SRRM2: variants seen among roughly 807,000 people sequenced by gnomAD.
SRRM2 encodes the protein serine/arginine repetitive matrix protein 2.
Under a neutral mutation model 213.8 loss-of-function variants are expected in SRRM2, and 30 were observed. That is an observed-to-expected ratio of 0.14 (90% CI 0.10 to 0.19). SRRM2 has a LOEUF of 0.19. SRRM2 is among the 10% of genes least tolerant of loss of function. The pLI, the probability that SRRM2 is intolerant of heterozygous loss-of-function variation, is 1.00. For synonymous variants in SRRM2, 2,025 were observed against 1,377.7 expected (o/e 1.47, Z -10.40); for missense variants, 4,904 against 3,647.0 (o/e 1.34, Z -8.88).
intron 1 of SRRM2, among the ~76,000 whole-genome samples, 172 bp from the exon 2 acceptor site, chr16:2,756,162 A>G (rs967812699): frequency 6.6e-6 from 1 of 152,236 alleles, no homozygotes; most frequent in African/African-American, 2.4e-5. Flanking sequence ...GGAAGGGCAA[A>G]GAAGTGGTTT....
chr16:2,769,689 C>T (rs1174518052), intron 12 of SRRM2: 3 of 497,622 alleles, frequency 6.0e-6, no homozygotes, highest in African/African-American at 3.9e-5. Flanking sequence ...AGGGACCTTT[C>T]TAAAACGCAC....
Position 2,764,338 on chromosome 16 carries a change from A to G in SRRM2, c.3810A>G (p.Ser1270=). ...LKEMSTSNFE[S]SPEVEERPAV... is the part of the protein sequence containing the mutation. ...AAATGTCCACAAGTAACTTTGAATCATCTCCTGAAGTAGAAGAAAGGCCTG... is the reference window on the plus strand; with the variant it reads ...AAATGTCCACAAGTAACTTTGAATCGTCTCCTGAAGTAGAAGAAAGGCCTG... The change falls in exon 11 of 15, where the codon TCA becomes TCG. Residue 1270 remains serine (S), a synonymous_variant. Transcript: ENST00000301740. 1.2e-6 allele frequency: 2 copies of G among 1,614,222 alleles called. No homozygotes were observed. The highest frequency in any genetic ancestry group is 8.5e-7 in the Non-Finnish European group (1 of 1,180,050).
rs149396639 is a variant in SRRM2 at position 2,769,223 on chromosome 16, C to T, written c.7960C>T (p.Pro2654Ser). 80 of 1,597,128 alleles carry T rather than the reference C, an allele frequency of 5.0e-5. No homozygotes were observed. In the African/African-American group the frequency reaches 1.0e-3, roughly 20 times the overall value. ...SSSSSPSPAK[P>S]GPQALPKPAS... ...GTCTTCCTCCCCTTCCCCTGCTAAG[C>T]CTGGCCCTCAGGCCTTGCCCAAACC... Residue 2654 changes from proline to serine, a missense_variant, in exon 12 of 15, where the codon CCT (proline) becomes TCT (serine). Coordinates refer to ENST00000301740, the MANE Select transcript of SRRM2 (RefSeq NM_016333.4).
Position 2,768,214 on chromosome 16 carries a change from C to G in SRRM2, c.7686C>G (p.Asp2562Glu). ...SSSSSGSSSS[D>E]SEGSSLPVQP... ...CCTCCTCTGGCTCCAGTTCTAGTGA[C>G]TCAGAGGGCTCTAGCCTTCCTGTGC... Residue 2562 changes from aspartate (D) to glutamate (E), a missense_variant, in exon 11 of 15, where the codon GAC becomes GAG. Physicochemically the swap from Asp to Glu is conservative, Grantham distance 45. Coordinates refer to ENST00000301740, the MANE Select transcript of SRRM2 (RefSeq NM_016333.4). 6.3e-7 allele frequency: 1 copy of G among 1,597,478 alleles called. No individual in the cohort carries two copies. Among genetic ancestry groups the G allele is most frequent in the East Asian group, 2.2e-5 (1 of 44,770 alleles).
rs781229628 is a variant in SRRM2 at position 2,762,623 on chromosome 16, CGAG to C, written c.2098_2100del (p.Gly700del). 3.7e-6 allele frequency: 6 copies of C among 1,614,134 alleles called. No homozygotes were observed. The highest frequency in any genetic ancestry group is 4.2e-6 in the Non-Finnish European group (5 of 1,180,028). On this transcript the variant is annotated inframe_deletion, in exon 11 of 15. Transcript: ENST00000301740. ...GAGGTCTCGGTCTAGGACACCAAGA[CGAG>C]GAAGATCCCGCAGTAGAAGCTTAGT...
At chr16:2,752,908 C>G (rs929950332) in intron 1 of SRRM2, 62 bp downstream of exon 1, 8 of 187,540 alleles carry the variant, frequency 4.3e-5, no homozygotes, top group Non-Finnish European at 7.9e-5. Context: ...GGCGCGAGGC[C>G]AAAGCGCGCG....
rs1216908790 is a variant in SRRM2 at position 2,766,297 on chromosome 16, C to G, written c.5769C>G (p.Ser1923=). ...CATCCCCAGTGAGCAGAAGGCGATC[C>G]AGATCCAGAACGCCACCAGTAACCC... ...SRASPVSRRR[S]RSRTPPVTRR... The change falls in exon 11 of 15, where the codon TCC becomes TCG. Residue 1923 remains serine, a synonymous_variant. Coordinates refer to ENST00000301740, the MANE Select transcript of SRRM2 (RefSeq NM_016333.4). This position sits in a 1 kb window ranked among gnomAD's most constrained non-coding sequence, Gnocchi z 7.0. 1 of 1,614,182 alleles carries G rather than the reference C, an allele frequency of 6.2e-7. No individual in the cohort carries two copies. Among genetic ancestry groups the G allele is most frequent in the East Asian group, 2.2e-5 (1 of 44,878 alleles).
chr16:2,760,833 A>G (rs577827735), intron 10 of SRRM2: 7 of 232,232 alleles, frequency 3.0e-5, no homozygotes, highest in East Asian at 9.8e-5. Context: ...AATGCTGGTC[A>G]TGTCTCACCA....
In SRRM2 at chr16:2,768,243, C is replaced by T. The variant is rs2068614194; in HGVS notation, c.7715C>T (p.Pro2572Leu). 3 of 1,560,168 alleles carry T rather than the reference C, an allele frequency of 1.9e-6. No individual in the cohort carries two copies. The highest frequency in any genetic ancestry group is 2.6e-6 in the Non-Finnish European group (3 of 1,154,434). ...GAGGGCTCTAGCCTTCCTGTGCAAC[C>T]TGAGGTGGCACTGAAGAGGTGAGGG... ...DSEGSSLPVQ[P>L]EVALKRVPSP... Residue 2572 changes from proline (P) to leucine (L), a missense_variant, in exon 11 of 15, where the codon CCT becomes CTT. Transcript: ENST00000301740.
rs374581309 is a variant in SRRM2, at chr16:2,770,423, G to A, written c.8093G>A (p.Arg2698His). 5.7e-5 allele frequency: 92 copies of A among 1,610,888 alleles called. 1 individual carries two copies. Among genetic ancestry groups the A allele is most frequent in the Non-Finnish European group, 6.4e-5 (75 of 1,178,844 alleles). The part of the protein sequence containing the change: ...SRSLSYSPVE[R>H]RRPSPQPSPR... ...TCCCTCAGCTACTCGCCTGTGGAGCGTCGCCGTCCCTCGCCCCAGCCCTCA... is the reference window on the plus strand; with the variant it reads ...TCCCTCAGCTACTCGCCTGTGGAGCATCGCCGTCCCTCGCCCCAGCCCTCA... Residue 2698 changes from arginine to histidine, a missense_variant, in exon 13 of 15, where the codon CGT (arginine) becomes CAT (histidine). Physicochemically the swap from Arg to His is conservative, Grantham distance 29 (BLOSUM62 0). Transcript: ENST00000301740.
At chr16:2,760,595 T>C in intron 10 of SRRM2, 96 bp downstream of exon 10, 4 of 1,401,118 alleles carry the variant, frequency 2.9e-6, no homozygotes, top group Non-Finnish European at 3.9e-6. Context: ...CTTATTAAAA[T>C]AAATAAATTC....
Position 2,768,124 on chromosome 16 carries a change from T to C in SRRM2, c.7596T>C (p.Ser2532=), listed in dbSNP as rs774307326. The C allele has an allele frequency of 1.9e-6, 3 of 1,613,878 alleles. No individual in the cohort carries two copies. Among genetic ancestry groups the C allele is most frequent in the Non-Finnish European group, 2.5e-6 (3 of 1,179,972 alleles). Residue 2532 remains serine, a synonymous_variant, in exon 11 of 15, where the codon AGT becomes AGC. Transcript: ENST00000301740. ...TGCAGCCAGCAAAGGAGCGGCGGAG[T>C]TCCTCCTCGTCGTCGTCGTCCTCTA... ...AALQPAKERR[S]SSSSSSSSSS...
Position 2,763,730 on chromosome 16 carries a change from A to G in SRRM2, c.3202A>G (p.Arg1068Gly), listed in dbSNP as rs376394601. The part of the protein sequence containing the change: ...KGQSQTSPDH[R>G]SDTSSPEVRQ... ...ACAATCTCAAACTTCACCAGACCAC[A>G]GATCTGATACTTCAAGTCCAGAAGT... Residue 1068 changes from arginine (R) to glycine (G), a missense_variant, in exon 11 of 15, where the codon AGA becomes GGA. By Grantham distance (125) the Arg-to-Gly change is moderately radical. Transcript: ENST00000301740. 3 of 1,614,076 alleles carry G rather than the reference A, an allele frequency of 1.9e-6. No individual in the cohort carries two copies. The highest frequency in any genetic ancestry group is 1.7e-5 in the Admixed American group (1 of 60,000).
Position 2,768,183 on chromosome 16 carries a change from C to CGT in SRRM2, c.7655_7656insGT (p.Ser2554ProfsTer24), listed in dbSNP as rs780263289. 2 of 1,439,622 alleles carry CGT rather than the reference C, an allele frequency of 1.4e-6. No individual in the cohort carries two copies. The highest frequency in any genetic ancestry group is 2.8e-5 in the African/African-American group (2 of 71,698). 89.2% of individuals were successfully genotyped at this position (1,439,622 alleles called of 1,614,324 possible). On this transcript the variant is annotated frameshift_variant, in exon 11 of 15. Coordinates refer to ENST00000301740, the MANE Select transcript of SRRM2 (RefSeq NM_016333.4). LOFTEE classifies it high-confidence loss of function. ...TCTTCTTCATCATCGTCGTCGTCGT[C>CGT]CTCCTCCTCCTCTGGCTCCAGTTCT... is the stretch of plus-strand genomic sequence containing the variant.
chr16:2,762,701 G>A lies in SRRM2; in HGVS notation c.2173G>A (p.Gly725Ser), dbSNP rs1399779377. ...SRTPQRRGRS[G>S]SSSERKNKSR... ...AACACCTCAAAGAAGAGGCAGATCT[G>A]GCTCATCTTCAGAGCGGAAAAACAA... Residue 725 changes from glycine (G) to serine (S), a missense_variant, in exon 11 of 15, where the codon GGC becomes AGC. Transcript: ENST00000301740. The A allele has an allele frequency of 6.2e-7, 1 of 1,614,038 alleles. No homozygotes were observed. Among genetic ancestry groups the A allele is most frequent in the African/African-American group, 1.3e-5 (1 of 74,908 alleles).
Position 2,757,461 on chromosome 16 carries a change from T to A in SRRM2, c.243-11T>A. Reference sequence around the variant, plus strand: ...CTGTCGAGCTTAACCCTGAAGGGATTTGTTCTTCAGGTACGAGGAACAGCA... The same window carrying A: ...CTGTCGAGCTTAACCCTGAAGGGATATGTTCTTCAGGTACGAGGAACAGCA... On this transcript the variant is annotated splice_polypyrimidine_tract_variant and intron_variant, in intron 2 of 14. Transcript: ENST00000301740. 3 of 1,611,150 alleles carry A rather than the reference T, an allele frequency of 1.9e-6. No homozygotes were observed. The highest frequency in any genetic ancestry group is 1.7e-6 in the Non-Finnish European group (2 of 1,177,414).
intron 9 of SRRM2, 27 bp from the exon 10 acceptor site, chr16:2,760,274 T>C: frequency 1.2e-6 from 2 of 1,605,348 alleles, no homozygotes. Context: ...TTCCTTCCTC[T>C]CCCACGTCCT....
chr16:2,770,981 G>T lies in SRRM2; in HGVS notation c.*114G>T. ...GTCTGCTCTCCTTTGAACCTTGGCA[G>T]CCCTTGGATGGAGGGCTCCCTTTCC... On this transcript the variant is annotated 3_prime_UTR_variant, in exon 15 of 15. Coordinates refer to ENST00000301740, the MANE Select transcript of SRRM2 (RefSeq NM_016333.4). The T allele has an allele frequency of 7.5e-7, 1 of 1,331,642 alleles. No homozygotes were observed. 82.5% of individuals were successfully genotyped at this position (1,331,642 alleles called of 1,614,324 possible). A position where few individuals can be genotyped will look rare whatever the true frequency, so the allele number is the denominator to read the frequency against.
At chr16:2,769,557 C>T (rs1447454501) in intron 12 of SRRM2, 14 of 647,130 alleles carry the variant, frequency 2.2e-5, no homozygotes, top group Non-Finnish European at 3.4e-5. Flanking sequence ...AGGGTTCTAG[C>T]TTTGTCTCCC....
Sources: allele counts gnomAD v4.1 joint callset (sites outside exome capture counted in the v4.1 genomes callset), GRCh38; gene constraint gnomAD v4.1.1; non-coding constraint Gnocchi (gnomAD v3.1); transcripts MANE v1.5; gene names NCBI Gene and HGNC (gene_info 2026-07-23, HGNC 2026-07-21).